UNC79: variants seen among roughly 807,000 people sequenced by gnomAD.
UNC79 encodes unc-79 subunit of NALCN channel complex, also known as protein unc-79 homolog.
Under a neutral mutation model 283.1 loss-of-function variants are expected in UNC79, and 37 were observed. The observed-to-expected ratio is 0.13, with a 90% confidence interval of 0.10 to 0.17. The LOEUF (loss-of-function observed/expected upper bound fraction) is 0.17. Ranked by LOEUF, UNC79 falls within the 10% of genes least tolerant of loss-of-function variation. The pLI, the probability that UNC79 is intolerant of heterozygous loss-of-function variation, is 1.00. For missense variants in UNC79, 2,272 were observed against 3,211.1 expected (o/e 0.71, Z 7.07); for synonymous variants, 1,107 against 1,200.2 (o/e 0.92, Z 1.61).
rs766546356 is a variant in UNC79 at position 93,622,246 on chromosome 14, C to T, written c.5013C>T (p.Pro1671=). Residue 1671 remains proline, a synonymous_variant, in exon 30 of 49, where the codon CCC becomes CCT. Coordinates refer to ENST00000555664, the Ensembl canonical transcript of UNC79. ...ATGCTGCCTCTTCTCCCTCCGTCCC[C>T]AGCCATCCCTCCGTCCTCAGCCTGA... The T allele has an allele frequency of 1.1e-5, 18 of 1,613,954 alleles. No individual in the cohort carries two copies. The East Asian group carries it at 3.6e-4, about 32-fold the overall frequency.
intron 14 of UNC79, among the ~76,000 whole-genome samples, chr14:93,570,164 G>A (rs2063132593): frequency 6.6e-6 from 1 of 152,098 alleles, no homozygotes; most frequent in African/African-American, 2.4e-5. Context: ...GCTCAGGCTG[G>A]TCTTGAACTC....
chr14:93,683,888 A>G (rs1042556641), intron 42 of UNC79, among the ~76,000 whole-genome samples: 2 of 151,902 alleles, frequency 1.3e-5, no homozygotes, highest in Admixed American at 1.3e-4. Context: ...TGAAGGACAT[A>G]TAGGAAGCTG....
chr14:93,699,529 A>G (rs935749042), intron 47 of UNC79, among the ~76,000 whole-genome samples: 1 of 152,018 alleles, frequency 6.6e-6, no homozygotes, highest in African/African-American at 2.4e-5. Flanking sequence ...TTGCCCCTTA[A>G]GTTGTTTAGA....
chr14:93,487,988 G>A (rs1468140380), intron 5 of UNC79, among the ~76,000 whole-genome samples: 1 of 152,068 alleles, frequency 6.6e-6, no homozygotes. Flanking sequence ...GACTGGAAAT[G>A]GATTGAATAT....
At chr14:93,681,494 C>T (rs1403273480) in intron 41 of UNC79, among the ~76,000 whole-genome samples, 1 of 152,234 alleles carries the variant, frequency 6.6e-6, no homozygotes, top group East Asian at 1.9e-4. Context: ...GCCTCCTTAT[C>T]AGGCCTCCTA....
chr14:93,593,193 A>G (rs578171575), intron 22 of UNC79, among the ~76,000 whole-genome samples: 110 of 152,240 alleles, frequency 7.2e-4, no homozygotes, highest in Middle Eastern at 6.8e-3. Flanking sequence ...GTTCCCCCTT[A>G]TGATAGAGAA....
At chr14:93,612,133 A>C (rs1425541552) in intron 26 of UNC79, among the ~76,000 whole-genome samples, 2 of 152,220 alleles carry the variant, frequency 1.3e-5, no homozygotes. Context: ...TTCTGTTTTT[A>C]AAAGTTCATG....
intron 1 of UNC79, among the ~76,000 whole-genome samples, chr14:93,394,993 A>G (rs1053700074): frequency 5.3e-5 from 8 of 152,224 alleles, no homozygotes; most frequent in South Asian, 2.1e-4. Flanking sequence ...GCTTACAGAC[A>G]TGAGCCACTT....
rs2064230259 is a variant in UNC79 at position 93,586,457 on chromosome 14, G to A, written c.2804-139G>A. The A allele has an allele frequency of 1.5e-5, 10 of 652,918 alleles. No individual in the cohort carries two copies. In the East Asian group the frequency reaches 2.7e-4, roughly 18 times the overall value. The allele number at this position is 652,918 out of a possible 1,614,324, so 40.4% of individuals were successfully genotyped here. ...GCAGGGATATATGCTAATGTGGAGA[G>A]CAGATAAAAAGTTTTCTCAAACAAT... On this transcript the variant is annotated intron_variant, in intron 20 of 48. Transcript: ENST00000555664.
intron 8 of UNC79, among the ~76,000 whole-genome samples, chr14:93,524,749 G>T: frequency 6.6e-6 from 1 of 152,096 alleles, no homozygotes; most frequent in South Asian, 2.1e-4. Flanking sequence ...TATATTTATT[G>T]GATATAAAAT....
At chr14:93,500,277 T>C (rs533046504) in intron 7 of UNC79, among the ~76,000 whole-genome samples, 48 of 152,352 alleles carry the variant, frequency 3.2e-4, no homozygotes, top group African/African-American at 1.1e-3. Flanking sequence ...CCAAGATGTC[T>C]CTGTCTGAGG....
upstream of UNC79, among the ~76,000 whole-genome samples, chr14:93,426,275 T>G (rs1474093294): frequency 6.6e-6 from 1 of 152,006 alleles, no homozygotes; most frequent in Non-Finnish European, 1.5e-5. Flanking sequence ...CTTGTCTTTG[T>G]TTTTCAGCAT....
intron 31 of UNC79, among the ~76,000 whole-genome samples, chr14:93,636,520 A>T (rs1285469706): frequency 6.6e-6 from 1 of 152,210 alleles, no homozygotes; most frequent in Non-Finnish European, 1.5e-5. Context: ...CCACCAGAAC[A>T]GATGTGGCCA....
At chr14:93,475,939 AG>A (rs1379432795) in intron 3 of UNC79, among the ~76,000 whole-genome samples, 1 of 152,182 alleles carries the variant, frequency 6.6e-6, no homozygotes, top group African/African-American at 2.4e-5. Flanking sequence ...TCTGCATGAT[AG>A]AGCTTAGAAG....
In UNC79 at chr14:93,470,684, T is replaced by C. The variant is rs192563781; in HGVS notation, c.143+2893T>C. 3.3e-5 allele frequency among the ~76,000 whole-genome samples: 5 copies of C among 152,322 alleles called. No individual in the cohort carries two copies. The East Asian group carries it at 7.7e-4, about 23-fold the overall frequency. On this transcript the variant is annotated intron_variant, in intron 2 of 48. Coordinates refer to ENST00000555664, the Ensembl canonical transcript of UNC79. ...TGACCTGGGGTCTGGTAAAGTTACA[T>C]CTGAGTGCCGAGTTGTACTCATTTT... is the stretch of plus-strand genomic sequence containing the variant.
At chr14:93,356,363 A>C (rs531480778) in intron 1 of UNC79, among the ~76,000 whole-genome samples, 1 of 152,242 alleles carries the variant, frequency 6.6e-6, no homozygotes, top group African/African-American at 2.4e-5. Context: ...CAACCCTTTG[A>C]GGTCTTAACC....
intron 1 of UNC79, among the ~76,000 whole-genome samples, chr14:93,392,106 A>T: frequency 6.6e-6 from 1 of 152,226 alleles, no homozygotes; most frequent in East Asian, 1.9e-4. Flanking sequence ...ATATCCACAT[A>T]TGCAATGGGA....
chr14:93,517,928 T>TGC (rs1192216110), intron 7 of UNC79, among the ~76,000 whole-genome samples: 1 of 151,434 alleles, frequency 6.6e-6, no homozygotes, highest in Non-Finnish European at 1.5e-5. Context: ...TCTGTGTGTG[T>TGC]GTGTGTGTGT....
At chr14:93,455,674 C>G (rs923409096) in intron 1 of UNC79, among the ~76,000 whole-genome samples, 1 of 152,098 alleles carries the variant, frequency 6.6e-6, no homozygotes, top group Non-Finnish European at 1.5e-5. Flanking sequence ...TTATTATCTA[C>G]TATGTGCTAG....
Sources: allele counts gnomAD v4.1 joint callset (sites outside exome capture counted in the v4.1 genomes callset), GRCh38; gene constraint gnomAD v4.1.1; transcripts MANE v1.5; gene names NCBI Gene and HGNC (gene_info 2026-07-23, HGNC 2026-07-21).